The following NTPCR variants were observed in gnomAD, a reference collection of about 807,000 sequenced individuals.
NTPCR encodes the protein nucleoside-triphosphatase, cancer-related.
In NTPCR, 15 loss-of-function variants were observed where a neutral mutation model predicts 19.5. The observed-to-expected ratio is 0.77, with a 90% CI of 0.51 to 1.18. The LOEUF is 1.18. Ranked by LOEUF, NTPCR falls within the 50% of genes most tolerant of loss-of-function variation. NTPCR has a pLI of 0.00. For missense variants in NTPCR, 206 were observed against 240.4 expected, an observed-to-expected ratio of 0.86 and a Z score of 0.95; for synonymous variants, 90 against 95.8, an observed-to-expected ratio of 0.94 and a Z score of 0.36.
intron 4 of NTPCR, among the ~76,000 whole-genome samples, chr1:232,976,018 T>C (rs1206021982): frequency 2.0e-5 from 3 of 152,224 alleles, no homozygotes; most frequent in Non-Finnish European, 4.4e-5. Flanking sequence ...CATAAGTGAA[T>C]ACTGCAGAGA....
chr1:232,958,454 G>A (rs1213289363), intron 3 of NTPCR, among the ~76,000 whole-genome samples: 1 of 152,252 alleles, frequency 6.6e-6, no homozygotes, highest in East Asian at 1.9e-4. Flanking sequence ...GAAGTATGTA[G>A]TGGTGGTTGC....
intron 3 of NTPCR, chr1:232,969,396 G>A (rs1668910053): frequency 6.4e-6 from 1 of 155,236 alleles, no homozygotes; most frequent in Non-Finnish European, 1.4e-5. Context: ...AAGCATGGGA[G>A]CCTTTGTTGA....
intron 3 of NTPCR, among the ~76,000 whole-genome samples, chr1:232,960,635 CCT>C (rs1668643824): frequency 6.6e-6 from 1 of 152,108 alleles, no homozygotes; most frequent in African/African-American, 2.4e-5. Context: ...AACCACTGTG[CCT>C]AGCCTGGTTA....
chr1:232,971,556 A>G (rs1160574701), intron 4 of NTPCR, among the ~76,000 whole-genome samples: 1 of 152,168 alleles, frequency 6.6e-6, no homozygotes, highest in Non-Finnish European at 1.5e-5. Context: ...TCATTTGGTC[A>G]ATAGTGATTG....
Position 232,982,684 on chromosome 1 carries a change from A to C in NTPCR, c.*4453A>C, listed in dbSNP as rs1392429966. On this transcript the variant is annotated 3_prime_UTR_variant, in exon 5 of 5. Coordinates refer to ENST00000366628, the MANE Select transcript of NTPCR (RefSeq NM_032324.3). ...TTGGGGAGATTCCCCGTTTTGTGGA[A>C]TGCTTTCTGTGTTTCCTACTTCTGG... The C allele has an allele frequency of 6.6e-6, 1 of 152,202 alleles. No individual in the cohort carries two copies. Among genetic ancestry groups the C allele is most frequent in the African/African-American group, 2.4e-5 (1 of 41,444 alleles). The allele number at this position is 152,202 out of a possible 1,614,324, so 9.4% of individuals were successfully genotyped here.
chr1:232,960,051 A>G (rs1668626831), intron 3 of NTPCR, among the ~76,000 whole-genome samples: 1 of 151,640 alleles, frequency 6.6e-6, no homozygotes, highest in Non-Finnish European at 1.5e-5. Flanking sequence ...TATCTACTAA[A>G]AACAAAAACA....
At chr1:232,972,566 C>T (rs1181057078) in intron 4 of NTPCR, among the ~76,000 whole-genome samples, 1 of 152,188 alleles carries the variant, frequency 6.6e-6, no homozygotes, top group Non-Finnish European at 1.5e-5. Context: ...GCTGGGACTA[C>T]AGGCATGTGC....
At chr1:232,954,744 C>T (rs1668466569) in intron 1 of NTPCR, among the ~76,000 whole-genome samples, 1 of 152,146 alleles carries the variant, frequency 6.6e-6, no homozygotes, top group African/African-American at 2.4e-5. Flanking sequence ...GTGTCTGGCT[C>T]CATGACGTCA....
intron 4 of NTPCR, 128 bp downstream of exon 4, chr1:232,970,246 T>C: frequency 1.4e-6 from 1 of 719,662 alleles, no homozygotes; most frequent in Admixed American, 2.7e-5. Flanking sequence ...TGTAGGTGAG[T>C]CTAATTTTCT....
chr1:232,974,918 C>G (rs528945118), intron 4 of NTPCR, among the ~76,000 whole-genome samples: 1 of 152,368 alleles, frequency 6.6e-6, no homozygotes, highest in African/African-American at 2.4e-5. Flanking sequence ...GTGGGGGACA[C>G]AGTCAAATCA....
chr1:232,974,897 A>G (rs1194737348), intron 4 of NTPCR, among the ~76,000 whole-genome samples: 1 of 152,202 alleles, frequency 6.6e-6, no homozygotes, highest in Non-Finnish European at 1.5e-5. Flanking sequence ...TAAGTTTCCA[A>G]CACATGAAAT....
chr1:232,953,553 A>G (rs1300538517), intron 1 of NTPCR, among the ~76,000 whole-genome samples: 1 of 152,158 alleles, frequency 6.6e-6, no homozygotes, highest in African/African-American at 2.4e-5. Context: ...ATCTTTTTCA[A>G]AATATAAACG....
chr1:232,968,749 A>G (rs1194961791), intron 3 of NTPCR: 1 of 152,260 alleles, frequency 6.6e-6, no homozygotes, highest in African/African-American at 2.4e-5. Flanking sequence ...CATTTAAGGA[A>G]TCAGAACTGT....
At position 232,978,412 on chromosome 1, in the gene NTPCR, T is replaced by A; in HGVS notation, c.*181T>A. 1 of 569,988 alleles carries A rather than the reference T, an allele frequency of 1.8e-6. No individual in the cohort carries two copies. Among genetic ancestry groups the A allele is most frequent in the Non-Finnish European group, 3.1e-6 (1 of 320,044 alleles). The allele number at this position is 569,988 out of a possible 1,614,324, so 35.3% of individuals were successfully genotyped here. A position where few individuals can be genotyped will look rare whatever the true frequency, so the allele number is the denominator to read the frequency against. ...GATCAAATTAGCCTTAATGCTGGATTGTCTGTACAAGATTAACTATCCATT... is the reference window on the plus strand; with the variant it reads ...GATCAAATTAGCCTTAATGCTGGATAGTCTGTACAAGATTAACTATCCATT... On this transcript the variant is annotated 3_prime_UTR_variant, in exon 5 of 5. Transcript: ENST00000366628.
Position 232,982,435 on chromosome 1 carries a change from T to A in NTPCR, c.*4204T>A, listed in dbSNP as rs761166039. ...AGAGCGTCACTGCATTCCTATCTGATTAATGTGACCTTAGTGTTGTAGATA... is the reference window on the plus strand; with the variant it reads ...AGAGCGTCACTGCATTCCTATCTGAATAATGTGACCTTAGTGTTGTAGATA... On this transcript the variant is annotated 3_prime_UTR_variant, in exon 5 of 5. Transcript: ENST00000366628. 1.3e-5 allele frequency: 2 copies of A among 152,238 alleles called. No homozygotes were observed. The highest frequency in any genetic ancestry group is 2.9e-5 in the Non-Finnish European group (2 of 68,038). The allele number at this position is 152,238 out of a possible 1,614,324, so 9.4% of individuals were successfully genotyped here.
intron 3 of NTPCR, among the ~76,000 whole-genome samples, chr1:232,961,353 G>A (rs1020900761): frequency 1.3e-5 from 2 of 152,240 alleles, no homozygotes; most frequent in African/African-American, 4.8e-5. Flanking sequence ...CGTTGACTTT[G>A]TGTCCCACTG....
chr1:232,967,932 T>C (rs562544815), intron 3 of NTPCR: 1 of 152,340 alleles, frequency 6.6e-6, no homozygotes, highest in South Asian at 2.1e-4. Context: ...TCTGTTTTTA[T>C]TATCATAGAC....
chr1:232,953,246 G>T (rs1443399151), intron 1 of NTPCR, among the ~76,000 whole-genome samples: 2 of 152,136 alleles, frequency 1.3e-5, no homozygotes, highest in Non-Finnish European at 2.9e-5. Context: ...CTGAGGATCT[G>T]CTTAGGGGAG....
At chr1:232,957,978 G>A (rs779832422) in intron 3 of NTPCR, among the ~76,000 whole-genome samples, 34 of 152,138 alleles carry the variant, frequency 2.2e-4, no homozygotes, top group Non-Finnish European at 4.4e-4. Flanking sequence ...GGTCTGGGGA[G>A]AATATTCTAA....
Sources: allele counts gnomAD v4.1 joint callset (sites outside exome capture counted in the v4.1 genomes callset), GRCh38; gene constraint gnomAD v4.1.1; transcripts MANE v1.5; gene names NCBI Gene and HGNC (gene_info 2026-07-23, HGNC 2026-07-21).